The following THSD4 variants were observed in gnomAD, a reference collection of about 807,000 sequenced individuals.
THSD4 encodes the protein thrombospondin type-1 domain-containing protein 4.
In THSD4, 69 loss-of-function variants were observed where a neutral mutation model predicts 119.0. The ratio of observed to expected loss-of-function variants is 0.58; its 90% CI spans 0.48 to 0.71. The LOEUF (loss-of-function observed/expected upper bound fraction) is 0.71. Ranked by LOEUF, THSD4 falls within the 30% of genes least tolerant of loss-of-function variation. The pLI, the probability that THSD4 is intolerant of heterozygous loss-of-function variation, is 0.00. For synonymous variants in THSD4, 524 were observed against 540.4 expected (o/e 0.97, Z 0.42); for missense variants, 1,393 against 1,391.1 (o/e 1.00, Z -0.02).
intron 7 of THSD4, among the ~76,000 whole-genome samples, chr15:71,621,716 T>G (rs2050421702): frequency 6.6e-6 from 1 of 152,198 alleles, no homozygotes; most frequent in Non-Finnish European, 1.5e-5. Flanking sequence ...CCTTTTAGAT[T>G]CTTGTAGAAG....
At chr15:71,357,529 G>C (rs190140308) in intron 6 of THSD4, among the ~76,000 whole-genome samples, 1 of 152,198 alleles carries the variant, frequency 6.6e-6, no homozygotes, top group African/African-American at 2.4e-5. Context: ...GCCAGGTTTC[G>C]AGAAAGTATT....
chr15:71,574,792 C>T (rs966212772), intron 7 of THSD4, among the ~76,000 whole-genome samples: 4 of 152,074 alleles, frequency 2.6e-5, no homozygotes, highest in Non-Finnish European at 5.9e-5. Flanking sequence ...AGTCACATTT[C>T]CACAGGAATT....
In THSD4 at chr15:71,690,281, C is replaced by T. The variant is rs966579240; in HGVS notation, c.1357+29547C>T. ...TCTTTGGTGTTGCTGGCTCTTTCTTCGGAATCACAAAAGCCCAGAATCCTT... is the reference window on the plus strand; with the variant it reads ...TCTTTGGTGTTGCTGGCTCTTTCTTTGGAATCACAAAAGCCCAGAATCCTT... On this transcript the variant is annotated intron_variant, in intron 8 of 17. Coordinates refer to ENST00000261862, the MANE Select transcript of THSD4 (RefSeq NM_024817.3). Among the ~76,000 whole-genome samples the T allele has an allele frequency of 1.2e-4, 19 of 152,240 alleles. No individual in the cohort carries two copies. In the South Asian group the frequency reaches 1.9e-3, roughly 15 times the overall value.
intron 7 of THSD4, among the ~76,000 whole-genome samples, chr15:71,484,558 C>G (rs765381192): frequency 6.6e-6 from 1 of 152,218 alleles, no homozygotes; most frequent in Non-Finnish European, 1.5e-5. Context: ...CCTCTTCTTC[C>G]TCATCATCCT....
intron 1 of THSD4, among the ~76,000 whole-genome samples, chr15:71,103,452 C>T (rs554087962): frequency 3.6e-4 from 55 of 152,284 alleles, no homozygotes; most frequent in African/African-American, 1.2e-3. Flanking sequence ...CCCTACTCTC[C>T]GTGATCTCCC....
At chr15:71,745,400 G>T (rs1426456986) in intron 12 of THSD4, among the ~76,000 whole-genome samples, 165 bp downstream of exon 12, 1 of 152,216 alleles carries the variant, frequency 6.6e-6, no homozygotes, top group Non-Finnish European at 1.5e-5. Flanking sequence ...CTGTCTTTCA[G>T]GATGAACTCA....
At chr15:71,719,813 C>G (rs1224896221) in intron 8 of THSD4, among the ~76,000 whole-genome samples, 1 of 151,974 alleles carries the variant, frequency 6.6e-6, no homozygotes, top group Non-Finnish European at 1.5e-5. Context: ...GTAGCTGGGA[C>G]TACAGGTGTG....
Position 71,215,232 on chromosome 15 carries a change from C to T in THSD4, c.297C>T (p.Ala99=). The T allele has an allele frequency of 2.1e-6, 3 of 1,434,132 alleles. No individual in the cohort carries two copies. The highest frequency in any genetic ancestry group is 2.8e-5 in the South Asian group (2 of 71,786). The allele number at this position is 1,434,132 out of a possible 1,614,324, so 88.8% of individuals were successfully genotyped here. A position where few individuals can be genotyped will look rare whatever the true frequency, so the allele number is the denominator to read the frequency against. ...GGQRPGAPAR[A]FADHVVSAVR... ...AGCGGCCTGGCGCCCCTGCGCGCGC[C>T]TTCGCGGACCACGTGGTGTCGGCGG... The change falls in exon 4 of 18, where the codon GCC becomes GCT. Residue 99 remains alanine (A), a synonymous_variant. Transcript: ENST00000261862.
intron 7 of THSD4, among the ~76,000 whole-genome samples, chr15:71,463,854 C>T (rs945105617): frequency 2.6e-5 from 4 of 152,216 alleles, no homozygotes; most frequent in South Asian, 2.1e-4. Context: ...CTGTACCATC[C>T]TTCTACCATC....
At chr15:71,685,786 A>G (rs1293033665) in intron 8 of THSD4, among the ~76,000 whole-genome samples, 1 of 152,258 alleles carries the variant, frequency 6.6e-6, no homozygotes, top group East Asian at 1.9e-4. Context: ...GAAATCTGAA[A>G]CCACATCAAT....
chr15:71,535,164 ACTAAT>A (rs1464801467), intron 7 of THSD4, among the ~76,000 whole-genome samples: 1 of 152,216 alleles, frequency 6.6e-6, no homozygotes, highest in African/African-American at 2.4e-5. Flanking sequence ...CTGTGAAACA[ACTAAT>A]CTACTCTCTG....
At chr15:71,395,602 A>G (rs1046876514) in intron 6 of THSD4, among the ~76,000 whole-genome samples, 3 of 152,064 alleles carry the variant, frequency 2.0e-5, no homozygotes, top group East Asian at 1.9e-4. Context: ...TTAGCTGGGC[A>G]TGATGGTGCA....
In THSD4 at chr15:71,340,386, C is replaced by A. The variant is rs1317148742; in HGVS notation, c.1016-71301C>A. ...TGGAACTCTGAATGGGAGCTTAGAC[C>A]CGGTGCTTCCAAAATGCCATCCACC... is the stretch of plus-strand genomic sequence containing the variant. On this transcript the variant is annotated intron_variant, in intron 6 of 17. Transcript: ENST00000261862. 2.0e-5 allele frequency among the ~76,000 whole-genome samples: 3 copies of A among 152,216 alleles called. No individual in the cohort carries two copies. The East Asian group carries it at 5.8e-4, about 29-fold the overall frequency.
intron 7 of THSD4, among the ~76,000 whole-genome samples, chr15:71,576,833 AG>A (rs2049456297): frequency 6.6e-6 from 1 of 152,232 alleles, no homozygotes; most frequent in African/African-American, 2.4e-5. Flanking sequence ...GTGGTCTCAA[AG>A]TCAGGTGTTG....
At chr15:71,455,740 G>A (rs926044728) in intron 7 of THSD4, among the ~76,000 whole-genome samples, 1 of 152,158 alleles carries the variant, frequency 6.6e-6, no homozygotes, top group African/African-American at 2.4e-5. Flanking sequence ...GCACTGAGGA[G>A]GGGGGTAGAA....
At chr15:71,230,276 A>G (rs2044049693) in intron 4 of THSD4, among the ~76,000 whole-genome samples, 1 of 152,188 alleles carries the variant, frequency 6.6e-6, no homozygotes, top group African/African-American at 2.4e-5. Context: ...TACTAACAAC[A>G]GGCATGACTC....
rs1170841690 is a variant in THSD4, at chr15:71,420,467, A to G, written c.1152+8644A>G. Among the ~76,000 whole-genome samples the G allele has an allele frequency of 5.7e-5, 6 of 104,924 alleles. 3 individuals are homozygous for G. Among genetic ancestry groups the G allele is most frequent in the South Asian group, 6.0e-4 (2 of 3,328 alleles). The allele number at this position is 104,924 out of a possible 152,430, so 68.8% of individuals were successfully genotyped here. ...TGATTTGTGAGTTTTGTCCATTTCC[A>G]TTCAATGTTATTATTGATAGTTAAT... On this transcript the variant is annotated intron_variant, in intron 7 of 17. Coordinates refer to ENST00000261862, the MANE Select transcript of THSD4 (RefSeq NM_024817.3).
At chr15:71,743,431 C>T (rs553258603) in intron 11 of THSD4, among the ~76,000 whole-genome samples, 6 of 152,280 alleles carry the variant, frequency 3.9e-5, no homozygotes, top group Admixed American at 1.3e-4. Flanking sequence ...CCTTAATAGC[C>T]GGGTCCCACT....
intron 7 of THSD4, among the ~76,000 whole-genome samples, chr15:71,525,255 G>C (rs965863782): frequency 6.6e-6 from 1 of 152,062 alleles, no homozygotes; most frequent in African/African-American, 2.4e-5. Flanking sequence ...GGAACATGAG[G>C]CACATAGAGA....
Sources: allele counts gnomAD v4.1 joint callset (sites outside exome capture counted in the v4.1 genomes callset), GRCh38; gene constraint gnomAD v4.1.1; transcripts MANE v1.5; gene names NCBI Gene and HGNC (gene_info 2026-07-23, HGNC 2026-07-21).